The following SDHA variants were observed in gnomAD, a reference collection of about 807,000 sequenced individuals.
SDHA encodes succinate dehydrogenase [ubiquinone] flavoprotein subunit, mitochondrial.
Under a neutral mutation model 78.4 loss-of-function variants are expected in SDHA, and 48 were observed. That is an observed-to-expected ratio of 0.61 (90% CI 0.49 to 0.78). SDHA has a LOEUF of 0.78. Among genes scored for constraint, SDHA ranks in the 30% least tolerant of loss-of-function variants. The pLI, the probability that SDHA is intolerant of heterozygous loss-of-function variation, is 0.00. For synonymous variants in SDHA, 326 were observed against 353.9 expected, an observed-to-expected ratio of 0.92 and a Z score of 0.88; for missense variants, 680 against 892.7, an observed-to-expected ratio of 0.76 and a Z score of 3.04.
At chr5:265,034 C>G in the SDHA span, among the ~76,000 whole-genome samples, 121 of 145,944 alleles carry the variant, frequency 8.3e-4, no homozygotes, top group Admixed American at 2.9e-3. Context: ...ATGGTGAAAC[C>G]CCATCTCTAC....
intron 7 of SDHA, among the ~76,000 whole-genome samples, chr5:232,585 A>G (rs1579400486): frequency 6.6e-6 from 1 of 152,112 alleles, no homozygotes; most frequent in East Asian, 1.9e-4. Context: ...TTCCCTCTGT[A>G]ATTTGCTTAG....
chr5:247,956 A>G (rs2126623948), intron 11 of SDHA, among the ~76,000 whole-genome samples: 2 of 152,180 alleles, frequency 1.3e-5, no homozygotes, highest in South Asian at 4.1e-4. Flanking sequence ...GGGGGAAAAC[A>G]GGGACTACGG....
At chr5:224,272 A>G (rs1734878347) in intron 2 of SDHA, 88 bp from the exon 3 acceptor site, 4 of 1,419,908 alleles carry the variant, frequency 2.8e-6, no homozygotes, top group Non-Finnish European at 4.0e-6. Context: ...TGCTCCTTTT[A>G]TCTTTGTCAA....
chr5:268,222 T>C, the SDHA span, among the ~76,000 whole-genome samples: 4 of 151,786 alleles, frequency 2.6e-5, no homozygotes, highest in Non-Finnish European at 5.9e-5. Flanking sequence ...CTCACTCTGT[T>C]GCCCAGGCTG....
chr5:244,117 G>A (rs112865875), intron 11 of SDHA, among the ~76,000 whole-genome samples: 6,445 of 151,814 alleles, frequency 0.042, no homozygotes, highest in Middle Eastern at 0.055. Context: ...CCTGGGTCCC[G>A]TTCCAAACCG....
the SDHA span, among the ~76,000 whole-genome samples, chr5:262,222 GACAGAGCA>G: frequency 1.5e-4 from 8 of 52,330 alleles, no homozygotes; most frequent in Admixed American, 2.3e-4. Flanking sequence ...TCCGCCTCCC[GACAGAGCA>G]TTACCGTGTG....
chr5:246,057 C>T (rs1736429995), intron 11 of SDHA, among the ~76,000 whole-genome samples: 1 of 152,206 alleles, frequency 6.6e-6, no homozygotes, highest in African/African-American at 2.4e-5. Flanking sequence ...GATCGAAAAG[C>T]AAGTCCATAA....
chr5:254,005 C>G (rs1737019539), intron 13 of SDHA, among the ~76,000 whole-genome samples: 1 of 151,572 alleles, frequency 6.6e-6, no homozygotes, highest in African/African-American at 2.4e-5. Flanking sequence ...CACACCACTG[C>G]ACTCCAGCCC....
In SDHA at chr5:256,773, TTG is replaced by T. The variant is rs1353606380; in HGVS notation, c.*357_*358del. The T allele has an allele frequency of 1.0e-4, 33 of 316,194 alleles. No individual in the cohort carries two copies. Among genetic ancestry groups the T allele is most frequent in the African/African-American group, 6.0e-4 (28 of 46,766 alleles). 19.6% of individuals were successfully genotyped at this position (316,194 alleles called of 1,614,324 possible). ...CTAAAAATCAAATGTAATCTTTGTA[TTG>T]TGTTACATCAAAATCCAGATATTTT... On this transcript the variant is annotated 3_prime_UTR_variant, in exon 15 of 15. Transcript: ENST00000264932.
chr5:235,533 G>A, intron 9 of SDHA, 194 bp downstream of exon 9: 2 of 649,234 alleles, frequency 3.1e-6, no homozygotes, highest in Non-Finnish European at 5.6e-6. Context: ...TTCCTCCTTA[G>A]TAAATTGTCA....
In SDHA at chr5:235,117, G is replaced by A. The variant is rs142152138; in HGVS notation, c.1065-27G>A. ...TCTCCTGCCGTTGCCGTTCTCTGCC[G>A]TATGTGATGGTGTTCTGTCTTACCA... On this transcript the variant is annotated intron_variant, in intron 8 of 14. Coordinates refer to ENST00000264932, the MANE Select transcript of SDHA (RefSeq NM_004168.4). 9.7e-4 allele frequency: 1,558 copies of A among 1,610,424 alleles called. 16 individuals are homozygous for A. In the African/African-American group the frequency reaches 0.019, roughly 20 times the overall value.
chr5:244,483 A>C (rs1736329994), intron 11 of SDHA, among the ~76,000 whole-genome samples: 1 of 152,138 alleles, frequency 6.6e-6, no homozygotes, highest in South Asian at 2.1e-4. Flanking sequence ...GGGAAAAGTG[A>C]AATTAAATGA....
intron 1 of SDHA, among the ~76,000 whole-genome samples, chr5:219,829 C>T (rs1354832148): frequency 1.3e-5 from 2 of 152,176 alleles, no homozygotes; most frequent in Non-Finnish European, 2.9e-5. Context: ...CTGCCAGCGG[C>T]GGAGGCACCT....
At chr5:246,684 G>A (rs1373661495) in intron 11 of SDHA, among the ~76,000 whole-genome samples, 2 of 151,076 alleles carry the variant, frequency 1.3e-5, no homozygotes, top group Admixed American at 6.6e-5. Context: ...CTCTAGAGAA[G>A]GCTCTAGATT....
chr5:257,463 A>G (rs1737273561), downstream of SDHA, among the ~76,000 whole-genome samples: 1 of 147,436 alleles, frequency 6.8e-6, no homozygotes. Context: ...CTGCTGCCAG[A>G]GCATTACTCT....
intron 8 of SDHA, chr5:234,063 A>T: frequency 4.2e-6 from 1 of 235,456 alleles, no homozygotes; most frequent in Non-Finnish European, 8.4e-6. Context: ...CTTTAATGTA[A>T]TGACATTTGC....
intron 14 of SDHA, among the ~76,000 whole-genome samples, chr5:255,618 T>A (rs1737134823): frequency 6.6e-6 from 1 of 152,024 alleles, no homozygotes; most frequent in Admixed American, 6.6e-5. Context: ...AATTTTTATA[T>A]GTTTTGTAGA....
intron 10 of SDHA, among the ~76,000 whole-genome samples, chr5:239,854 C>G (rs1054082865): frequency 1.3e-5 from 2 of 151,730 alleles, no homozygotes; most frequent in African/African-American, 4.9e-5. Flanking sequence ...ACTGCAACCT[C>G]CACCTTTAGG....
chr5:261,052 T>G (rs1400460799), downstream of SDHA, among the ~76,000 whole-genome samples: 1 of 10,856 alleles, frequency 9.2e-5, no homozygotes, highest in Non-Finnish European at 2.0e-4. Context: ...AGCATTACCG[T>G]GTGAGCTCCG....
Sources: gnomAD v4.1 joint callset for allele counts (sites outside exome capture counted in the v4.1 genomes callset) on GRCh38, gnomAD v4.1.1 for gene constraint, MANE v1.5 for transcripts, NCBI Gene and HGNC (gene_info 2026-07-23, HGNC 2026-07-21) for gene names.